Variants in C18orf63 observed in about 807,000 individuals in gnomAD.
C18orf63 encodes uncharacterized protein C18orf63.
In C18orf63, 50 loss-of-function variants were observed where a neutral mutation model predicts 75.3. That is an observed-to-expected ratio of 0.66 (90% CI 0.53 to 0.84). The LOEUF is 0.84. C18orf63 is among the 40% of genes least tolerant of loss of function. The pLI, the probability that C18orf63 is intolerant of heterozygous loss-of-function variation, is 0.00. For synonymous variants in C18orf63, 232 were observed against 267.6 expected, an observed-to-expected ratio of 0.87 and a Z score of 1.30; for missense variants, 732 against 800.2, an observed-to-expected ratio of 0.91 and a Z score of 1.03.
At position 74,353,856 on chromosome 18, in the gene C18orf63, G is replaced by A. The variant is rs923356465; in HGVS notation, c.1589G>A (p.Gly530Glu). 5 of 1,534,832 alleles carry A rather than the reference G, an allele frequency of 3.3e-6. No homozygotes were observed. Among genetic ancestry groups the A allele is most frequent in the East Asian group, 4.9e-5 (2 of 40,830 alleles). The change falls in exon 12 of 14, where the codon GGA (glycine) becomes GAA (glutamate). Residue 530 changes from glycine (G) to glutamate (E), a missense_variant. By Grantham distance (98) the Gly-to-Glu change is moderately conservative (BLOSUM62 -2). Transcript: ENST00000579455. ...ENMTKFPSSR[G>E]KSTVSLNKNK... is the part of the protein sequence containing the mutation. Reference sequence around the variant, plus strand: ...ATGACAAAATTTCCCTCTTCTCGTGGAAAATCGACTGTGAGTTTAAACAAA... The same window carrying A: ...ATGACAAAATTTCCCTCTTCTCGTGAAAAATCGACTGTGAGTTTAAACAAA...
At position 74,318,789 on chromosome 18, in the gene C18orf63, C is replaced by CAAAA. The variant is rs1440958908; in HGVS notation, c.134+791_134+792insAAAA. The stretch of plus-strand genomic sequence containing the variant: ...TGGGCAACAGAGCGAGACTCTGTCT[C>CAAAA]AGAAAAAAAAAAAAAGGAAAGAAAA... On this transcript the variant is annotated intron_variant, in intron 2 of 13. Coordinates refer to ENST00000579455, the MANE Select transcript of C18orf63 (RefSeq NM_001174123.2). Among the ~76,000 whole-genome samples, 138 of 93,656 alleles carry CAAAA rather than the reference C, an allele frequency of 1.5e-3. 1 individual carries two copies. Among genetic ancestry groups the CAAAA allele is most frequent in the African/African-American group, 5.3e-3 (135 of 25,632 alleles). The allele number at this position is 93,656 out of a possible 152,430, so 61.4% of individuals were successfully genotyped here.
At chr18:74,333,516 C>T (rs1221409265) in intron 7 of C18orf63, among the ~76,000 whole-genome samples, 1 of 152,180 alleles carries the variant, frequency 6.6e-6, no homozygotes, top group Non-Finnish European at 1.5e-5. Flanking sequence ...GCAAGCATGT[C>T]CTTCTTCACA....
At chr18:74,333,290 T>C (rs1376884963) in intron 7 of C18orf63, among the ~76,000 whole-genome samples, 3 of 152,148 alleles carry the variant, frequency 2.0e-5, no homozygotes, top group Non-Finnish European at 2.9e-5. Flanking sequence ...AACACCACTC[T>C]CTGCCAGCAG....
chr18:74,351,711 T>C (rs936314935), intron 11 of C18orf63, among the ~76,000 whole-genome samples: 18 of 152,246 alleles, frequency 1.2e-4, no homozygotes, highest in African/African-American at 4.3e-4. Flanking sequence ...TTATGCCTAA[T>C]AGATAATTGG....
At chr18:74,350,786 T>C (rs1984654402) in intron 11 of C18orf63, among the ~76,000 whole-genome samples, 1 of 152,200 alleles carries the variant, frequency 6.6e-6, no homozygotes, top group South Asian at 2.1e-4. Context: ...TTGCACCCCT[T>C]GAAAATAATG....
At chr18:74,353,221 T>C in intron 11 of C18orf63, 25 bp from the exon 12 acceptor site, 1 of 1,439,166 alleles carries the variant, frequency 6.9e-7, no homozygotes, top group Non-Finnish European at 9.3e-7. Flanking sequence ...ATTTTAAATT[T>C]TTTTTTAATC....
intron 8 of C18orf63, among the ~76,000 whole-genome samples, chr18:74,341,419 A>G (rs1276845298): frequency 6.6e-6 from 1 of 152,040 alleles, no homozygotes; most frequent in Non-Finnish European, 1.5e-5. Flanking sequence ...GAGGTGGCTC[A>G]CATCTGTAAT....
chr18:74,322,042 T>C lies in C18orf63; in HGVS notation c.214-656T>C, dbSNP rs899418984. On this transcript the variant is annotated intron_variant, in intron 3 of 13. Transcript: ENST00000579455. ...TTCCAGTGCACATCTGAGTCTGTGC[T>C]CTTACAGTGTTTCAGAAAGCATCAT... Among the ~76,000 whole-genome samples the C allele has an allele frequency of 4.6e-5, 7 of 152,358 alleles. No homozygotes were observed. The South Asian group carries it at 8.3e-4, about 18-fold the overall frequency.
Position 74,328,032 on chromosome 18 carries a change from A to C in C18orf63, c.356A>C (p.Asn119Thr). 6.5e-7 allele frequency: 1 copy of C among 1,533,276 alleles called. No homozygotes were observed. Among genetic ancestry groups the C allele is most frequent in the Non-Finnish European group, 8.7e-7 (1 of 1,144,318 alleles). 95.0% of individuals were successfully genotyped at this position (1,533,276 alleles called of 1,614,324 possible). The stretch of plus-strand genomic sequence containing the variant: ...ATGGCTAGACTTGCTCCAGCCTGGA[A>C]TAGAACTGGTCATCTCTTGATACAA... ...SFMARLAPAWNRTGHLLIQGR... is the reference protein window; with the variant it reads ...SFMARLAPAWTRTGHLLIQGR... The change falls in exon 5 of 14, where the codon AAT (asparagine) becomes ACT (threonine). Residue 119 changes from asparagine (N) to threonine (T), a missense_variant. Transcript: ENST00000579455.
At position 74,354,250 on chromosome 18, in the gene C18orf63, C is replaced by A; in HGVS notation, c.1983C>A (p.Ser661=). Residue 661 remains serine (S), a synonymous_variant, in exon 12 of 14, where the codon TCC becomes TCA. Coordinates refer to ENST00000579455, the MANE Select transcript of C18orf63 (RefSeq NM_001174123.2). ...CCGATACTGTGCACTATGGCCAATC[C>A]AGTTCTTCTAAGAAGCAGGTAAAAA... is the stretch of plus-strand genomic sequence containing the variant. ...HHSDTVHYGQ[S]SSSKKQILDS... is the part of the protein sequence containing the mutation. 1 of 1,512,762 alleles carries A rather than the reference C, an allele frequency of 6.6e-7. No individual in the cohort carries two copies. The highest frequency in any genetic ancestry group is 1.2e-5 in the South Asian group (1 of 80,250). The allele number at this position is 1,512,762 out of a possible 1,614,324, so 93.7% of individuals were successfully genotyped here.
Position 74,354,148 on chromosome 18 carries a change from G to T in C18orf63, c.1881G>T (p.Leu627Phe). Residue 627 changes from leucine to phenylalanine, a missense_variant, in exon 12 of 14, where the codon TTG (leucine) becomes TTT (phenylalanine). Coordinates refer to ENST00000579455, the MANE Select transcript of C18orf63 (RefSeq NM_001174123.2). ...AKEVGTSDHRLIVSKIAHRSK... is the reference protein window; with the variant it reads ...AKEVGTSDHRFIVSKIAHRSK... ...AAGTTGGTACAAGTGACCACAGGTT[G>T]ATAGTAAGCAAAATAGCCCACAGGT... 6.5e-7 allele frequency: 1 copy of T among 1,536,332 alleles called. No individual in the cohort carries two copies. The highest frequency in any genetic ancestry group is 8.7e-7 in the Non-Finnish European group (1 of 1,146,964).
At chr18:74,316,317 G>A (rs1984023111) in intron 1 of C18orf63, among the ~76,000 whole-genome samples, 2 of 152,130 alleles carry the variant, frequency 1.3e-5, no homozygotes, top group Non-Finnish European at 2.9e-5. Context: ...CTTTTAAAAT[G>A]GATTTAGCTG....
In C18orf63 at chr18:74,328,986, T is replaced by A. The variant is rs1984255779; in HGVS notation, c.383-9T>A. The stretch of plus-strand genomic sequence containing the variant: ...GTAATAACATGGCATATTCTATGAA[T>A]TTTTTAAGGAAGAGATTTTCTTTCT... On this transcript the variant is annotated splice_polypyrimidine_tract_variant and intron_variant, in intron 5 of 13. Coordinates refer to ENST00000579455, the MANE Select transcript of C18orf63 (RefSeq NM_001174123.2). 1 of 1,468,560 alleles carries A rather than the reference T, an allele frequency of 6.8e-7. No homozygotes were observed. The highest frequency in any genetic ancestry group is 9.2e-7 in the Non-Finnish European group (1 of 1,085,728). The allele number at this position is 1,468,560 out of a possible 1,614,324, so 91.0% of individuals were successfully genotyped here.
rs555605551 is a variant in C18orf63, at chr18:74,358,106, C to T, written c.*1659C>T. The stretch of plus-strand genomic sequence containing the variant: ...AATGGACACTTACTTTATTATTACA[C>T]TGAGCAAAATAATGAAAACCATACA... On this transcript the variant is annotated 3_prime_UTR_variant, in exon 14 of 14. Coordinates refer to ENST00000579455, the MANE Select transcript of C18orf63 (RefSeq NM_001174123.2). 1 of 152,266 alleles carries T rather than the reference C, an allele frequency of 6.6e-6. No individual in the cohort carries two copies. The highest frequency in any genetic ancestry group is 2.1e-4 in the South Asian group (1 of 4,826). 9.4% of individuals were successfully genotyped at this position (152,266 alleles called of 1,614,324 possible).
At chr18:74,328,120 T>A in intron 5 of C18orf63, 62 bp downstream of exon 5, 1 of 967,054 alleles carries the variant, frequency 1.0e-6, no homozygotes. Flanking sequence ...TATGTGTGTA[T>A]TAGTCTATTC....
At chr18:74,338,303 A>G (rs1984424807) in intron 7 of C18orf63, among the ~76,000 whole-genome samples, 1 of 152,138 alleles carries the variant, frequency 6.6e-6, no homozygotes, top group South Asian at 2.1e-4. Context: ...CCTCCAAAAG[A>G]CCAGATGGAG....
chr18:74,330,614 T>C (rs17089115), intron 6 of C18orf63, among the ~76,000 whole-genome samples: 2,020 of 152,212 alleles, frequency 0.013, 25 homozygotes, highest in South Asian at 0.047. Context: ...CTCATTTTTT[T>C]TATTCTAACC....
chr18:74,334,177 A>C (rs1984354499), intron 7 of C18orf63, among the ~76,000 whole-genome samples: 1 of 152,002 alleles, frequency 6.6e-6, no homozygotes, highest in South Asian at 2.1e-4. Context: ...ATCTCAGTTG[A>C]CTCAGGTTTA....
At chr18:74,323,288 C>T (rs1191732683) in intron 4 of C18orf63, among the ~76,000 whole-genome samples, 3 of 152,158 alleles carry the variant, frequency 2.0e-5, no homozygotes, top group African/African-American at 7.2e-5. Flanking sequence ...GAAGCAACAG[C>T]TGTTATTGCT....
Sources: gnomAD v4.1 joint callset for allele counts (sites outside exome capture counted in the v4.1 genomes callset) on GRCh38, gnomAD v4.1.1 for gene constraint, MANE v1.5 for transcripts, NCBI Gene and HGNC (gene_info 2026-07-23, HGNC 2026-07-21) for gene names.